COL11A1: variants seen among roughly 807,000 people sequenced by gnomAD.
COL11A1 encodes the protein collagen type XI alpha 1 chain, also known as collagen alpha-1(XI) chain.
In COL11A1, 74 loss-of-function variants were observed where a neutral mutation model predicts 265.2. That is an observed-to-expected ratio of 0.28 (90% CI 0.23 to 0.34). The LOEUF is 0.34. Among genes scored for constraint, COL11A1 ranks in the 10% least tolerant of loss-of-function variants. The probability of loss-of-function intolerance (pLI) is 1.00; values close to 1 mark genes in which losing one functional copy is unlikely to be tolerated. For missense variants in COL11A1, 2,165 were observed against 2,263.6 expected (o/e 0.96, Z 0.88); for synonymous variants, 816 against 727.6 (o/e 1.12, Z -1.96).
At chr1:102,906,323 C>A (rs958840004) in intron 54 of COL11A1, among the ~76,000 whole-genome samples, 1 of 152,278 alleles carries the variant, frequency 6.6e-6, no homozygotes, top group South Asian at 2.1e-4. Flanking sequence ...CTGGTCTCTA[C>A]TTTTCAGTGA....
chr1:102,918,668 G>T (rs932171382), intron 49 of COL11A1, among the ~76,000 whole-genome samples: 7 of 151,834 alleles, frequency 4.6e-5, no homozygotes, highest in African/African-American at 1.7e-4. Context: ...TCAAAAGAAA[G>T]GAGCAAAATT....
intron 4 of COL11A1, among the ~76,000 whole-genome samples, chr1:103,045,847 C>A (rs1042919544): frequency 6.6e-6 from 1 of 151,082 alleles, no homozygotes; most frequent in Non-Finnish European, 1.5e-5. Context: ...CAATTCCCAC[C>A]TGAGTGAGAA....
chr1:103,091,641 C>T (rs796258939), intron 1 of COL11A1, among the ~76,000 whole-genome samples: 7 of 152,022 alleles, frequency 4.6e-5, no homozygotes, highest in African/African-American at 1.4e-4. Context: ...CAATTTTCCC[C>T]GAAGGGTTTT....
intron 1 of COL11A1, among the ~76,000 whole-genome samples, chr1:103,092,073 A>T (rs1334523954): frequency 6.6e-6 from 1 of 152,102 alleles, no homozygotes; most frequent in African/African-American, 2.4e-5. Context: ...AATACATAGT[A>T]AAATATTCTG....
At chr1:102,979,359 C>T in intron 32 of COL11A1, 23 bp downstream of exon 32, 1 of 1,581,928 alleles carries the variant, frequency 6.3e-7, no homozygotes, top group Non-Finnish European at 8.7e-7. Context: ...ATACATAGTT[C>T]AAAACATATT....
chr1:102,879,098 T>A (rs913769455), intron 66 of COL11A1, among the ~76,000 whole-genome samples: 11 of 152,146 alleles, frequency 7.2e-5, no homozygotes, highest in African/African-American at 2.7e-4. Flanking sequence ...TTGTGACTTC[T>A]CTTCAGTCAT....
Position 102,877,978 on chromosome 1 carries a change from G to A in COL11A1, c.*41C>T, listed in dbSNP as rs1200225829. 1 of 1,608,636 alleles carries A rather than the reference G, an allele frequency of 6.2e-7. No individual in the cohort carries two copies. Among genetic ancestry groups the A allele is most frequent in the South Asian group, 1.1e-5 (1 of 90,764 alleles). ...GCACAAAATGGGTTGGTGGCACCAA[G>A]GTATATTTTCTGTTGATTTGATATG... is the stretch of plus-strand genomic sequence containing the variant. On this transcript the variant is annotated 3_prime_UTR_variant, in exon 67 of 67. Coordinates refer to ENST00000370096, the MANE Select transcript of COL11A1 (RefSeq NM_001854.4).
chr1:103,070,585 C>G (rs756216624), intron 4 of COL11A1, among the ~76,000 whole-genome samples: 4 of 151,850 alleles, frequency 2.6e-5, no homozygotes, highest in African/African-American at 4.8e-5. Flanking sequence ...GATAAGGAAT[C>G]TCTTGGGTGA....
At chr1:102,927,322 T>A (rs1300867771) in intron 46 of COL11A1, among the ~76,000 whole-genome samples, 1 of 152,038 alleles carries the variant, frequency 6.6e-6, no homozygotes, top group African/African-American at 2.4e-5. Context: ...AATCTTTCCG[T>A]GGATCACTAG....
At chr1:103,043,531 A>G (rs1057086061) in intron 4 of COL11A1, among the ~76,000 whole-genome samples, 7 of 152,122 alleles carry the variant, frequency 4.6e-5, no homozygotes, top group African/African-American at 1.4e-4. Context: ...TACTCAATAA[A>G]TGATCAATAA....
chr1:102,923,913 T>C (rs193102418), intron 46 of COL11A1, among the ~76,000 whole-genome samples: 1 of 152,090 alleles, frequency 6.6e-6, no homozygotes, highest in Admixed American at 6.6e-5. Flanking sequence ...ATTATACTTT[T>C]AAAAATTCTT....
intron 28 of COL11A1, 111 bp downstream of exon 28, chr1:102,995,753 C>T (rs956766003): frequency 1.4e-5 from 12 of 863,482 alleles, no homozygotes; most frequent in South Asian, 4.3e-5. Flanking sequence ...ACTAGCATTG[C>T]GTAGTATGTA....
intron 15 of COL11A1, among the ~76,000 whole-genome samples, chr1:103,007,075 C>T (rs1188150444): frequency 6.6e-6 from 1 of 151,858 alleles, no homozygotes; most frequent in African/African-American, 2.4e-5. Context: ...GGTCTTTTCT[C>T]ATGTTTGAAT....
intron 4 of COL11A1, among the ~76,000 whole-genome samples, chr1:103,040,254 A>G (rs1374202132): frequency 1.3e-5 from 2 of 151,388 alleles, no homozygotes; most frequent in African/African-American, 4.8e-5. Flanking sequence ...CTATGTGTGT[A>G]TACATTTATA....
intron 41 of COL11A1, among the ~76,000 whole-genome samples, chr1:102,953,696 A>G (rs1173202837): frequency 3.3e-5 from 5 of 152,174 alleles, no homozygotes; most frequent in Admixed American, 3.3e-4. Context: ...GTAAACTAAG[A>G]TCCAGAAAAT....
At chr1:102,967,565 A>G (rs1661568448) in intron 37 of COL11A1, among the ~76,000 whole-genome samples, 1 of 152,030 alleles carries the variant, frequency 6.6e-6, no homozygotes, top group Admixed American at 6.6e-5. Flanking sequence ...AAACATATAG[A>G]TGACAAAGTT....
At chr1:103,054,045 A>G (rs1290037750) in intron 4 of COL11A1, among the ~76,000 whole-genome samples, 1 of 152,176 alleles carries the variant, frequency 6.6e-6, no homozygotes, top group African/African-American at 2.4e-5. Flanking sequence ...TTTTCACACT[A>G]ATGTGCATTG....
rs775837849 is a variant in COL11A1, at chr1:102,965,549, G to A, written c.2863-9C>T. 1 of 1,612,448 alleles carries A rather than the reference G, an allele frequency of 6.2e-7. No individual in the cohort carries two copies. The highest frequency in any genetic ancestry group is 8.5e-7 in the Non-Finnish European group (1 of 1,178,692). ...GTCTTGCCTTGAAATCCCTAAGGAG[G>A]CAAAGTATTATTTGTAAAAGCTACA... is the stretch of plus-strand genomic sequence containing the variant. On this transcript the variant is annotated splice_polypyrimidine_tract_variant and intron_variant, in intron 37 of 66. Coordinates refer to ENST00000370096, the MANE Select transcript of COL11A1 (RefSeq NM_001854.4).
intron 7 of COL11A1, among the ~76,000 whole-genome samples, chr1:103,024,913 C>T (rs1455874105): frequency 1.3e-5 from 2 of 152,072 alleles, no homozygotes; most frequent in Middle Eastern, 3.4e-3. Flanking sequence ...GATCAGAATG[C>T]ATGTGAAATA....
Sources: gnomAD v4.1 joint callset for allele counts (sites outside exome capture counted in the v4.1 genomes callset) on GRCh38, gnomAD v4.1.1 for gene constraint, MANE v1.5 for transcripts, NCBI Gene and HGNC (gene_info 2026-07-23, HGNC 2026-07-21) for gene names.